The following SLC25A13 variants were observed in gnomAD, a reference collection of about 807,000 sequenced individuals.
SLC25A13 encodes solute carrier family 25 member 13.
Under a neutral mutation model 85.5 loss-of-function variants are expected in SLC25A13, and 70 were observed. The observed-to-expected ratio is 0.82, with a 90% confidence interval of 0.68 to 1.00. SLC25A13 has a LOEUF of 1.00. SLC25A13 is among the 50% of genes least tolerant of loss of function. The pLI, the probability that SLC25A13 is intolerant of heterozygous loss-of-function variation, is 0.00. For missense variants in SLC25A13, 765 were observed against 819.8 expected, an observed-to-expected ratio of 0.93 and a Z score of 0.82; for synonymous variants, 259 against 288.7, an observed-to-expected ratio of 0.90 and a Z score of 1.04.
chr7:96,190,915 G>A (rs1001086904), intron 7 of SLC25A13, among the ~76,000 whole-genome samples, 194 bp downstream of exon 7: 5 of 152,158 alleles, frequency 3.3e-5, no homozygotes, highest in Non-Finnish European at 4.4e-5. Flanking sequence ...GCTGGGCCCA[G>A]TTTGTTTAAA....
At chr7:96,132,773 A>G (rs1792089094) in intron 14 of SLC25A13, among the ~76,000 whole-genome samples, 1 of 152,170 alleles carries the variant, frequency 6.6e-6, no homozygotes. Context: ...AAATACAGAG[A>G]TTCCCAAAAG....
intron 3 of SLC25A13, among the ~76,000 whole-genome samples, chr7:96,268,361 G>GA (rs1798113664): frequency 6.6e-6 from 1 of 152,150 alleles, no homozygotes; most frequent in Non-Finnish European, 1.5e-5. Context: ...CATTTTGAAT[G>GA]AAAAAATAAT....
intron 4 of SLC25A13, among the ~76,000 whole-genome samples, chr7:96,224,458 C>T (rs1796257041): frequency 6.6e-6 from 1 of 152,152 alleles, no homozygotes; most frequent in Admixed American, 6.5e-5. Flanking sequence ...CAATCAAGGG[C>T]CTCCTCTACT....
chr7:96,144,529 C>T (rs1056988972), intron 14 of SLC25A13, among the ~76,000 whole-genome samples: 2 of 152,210 alleles, frequency 1.3e-5, no homozygotes, highest in African/African-American at 4.8e-5. Flanking sequence ...CTAGATTAAA[C>T]TACTAGACTA....
intron 5 of SLC25A13, among the ~76,000 whole-genome samples, chr7:96,194,773 A>G (rs1554350607): frequency 6.6e-6 from 1 of 152,210 alleles, no homozygotes; most frequent in Non-Finnish European, 1.5e-5. Context: ...GGGTCATTAT[A>G]GTCTTCTACT....
chr7:96,203,664 A>G (rs1795347093), intron 5 of SLC25A13, among the ~76,000 whole-genome samples: 1 of 152,212 alleles, frequency 6.6e-6, no homozygotes, highest in Non-Finnish European at 1.5e-5. Context: ...AGACTTTTCT[A>G]TCCTGAGATT....
chr7:96,240,747 G>GA (rs531256400), intron 3 of SLC25A13, among the ~76,000 whole-genome samples: 74,387 of 129,634 alleles, frequency 0.57, 21,105 homozygotes, highest in Non-Finnish European at 0.63. Context: ...CCATCTACTA[G>GA]AAAAAAAAAA....
intron 13 of SLC25A13, among the ~76,000 whole-genome samples, chr7:96,160,561 TG>T (rs1275956320): frequency 1.3e-5 from 2 of 152,196 alleles, no homozygotes; most frequent in Non-Finnish European, 2.9e-5. Context: ...GTCTTCTCAC[TG>T]TGTCCTCACA....
chr7:96,298,830 T>C (rs1476589390), intron 1 of SLC25A13, among the ~76,000 whole-genome samples: 1 of 152,172 alleles, frequency 6.6e-6, no homozygotes, highest in Admixed American at 6.5e-5. Flanking sequence ...CTAAGATGAA[T>C]GACTCTGCTG....
chr7:96,194,080 C>T (rs1794960028), intron 5 of SLC25A13, among the ~76,000 whole-genome samples: 1 of 152,088 alleles, frequency 6.6e-6, no homozygotes, highest in African/African-American at 2.4e-5. Flanking sequence ...ATCTTCCTCA[C>T]AACACTCTGC....
intron 1 of SLC25A13, among the ~76,000 whole-genome samples, chr7:96,304,696 C>T (rs1309539499): frequency 6.6e-6 from 1 of 152,124 alleles, no homozygotes; most frequent in Admixed American, 6.5e-5. Context: ...ACTACCCCAC[C>T]CCCCAGCTAA....
At chr7:96,171,259 C>G (rs1026803743) in intron 12 of SLC25A13, among the ~76,000 whole-genome samples, 1 of 152,210 alleles carries the variant, frequency 6.6e-6, no homozygotes, top group Non-Finnish European at 1.5e-5. Context: ...ATGATGGCAG[C>G]AACCACCAAA....
At chr7:96,134,245 A>C (rs1792165281) in intron 14 of SLC25A13, among the ~76,000 whole-genome samples, 1 of 152,042 alleles carries the variant, frequency 6.6e-6, no homozygotes, top group Non-Finnish European at 1.5e-5. Context: ...CACGTTGGGC[A>C]GGCTGGTCTC....
chr7:96,180,399 C>T (rs1794377076), intron 11 of SLC25A13, among the ~76,000 whole-genome samples: 1 of 152,030 alleles, frequency 6.6e-6, no homozygotes, highest in Non-Finnish European at 1.5e-5. Flanking sequence ...AGGAATGCAG[C>T]GGCACAATCT....
At chr7:96,276,829 G>A (rs1446888197) in intron 3 of SLC25A13, among the ~76,000 whole-genome samples, 1 of 152,040 alleles carries the variant, frequency 6.6e-6, no homozygotes, top group African/African-American at 2.4e-5. Context: ...AAAGATTATA[G>A]AAAAGTAACG....
intron 15 of SLC25A13, among the ~76,000 whole-genome samples, chr7:96,125,968 G>A (rs1791711412): frequency 6.6e-6 from 1 of 151,998 alleles, no homozygotes; most frequent in East Asian, 1.9e-4. Context: ...GTTGTCTTCT[G>A]TCCCCTGAAT....
At position 96,149,749 on chromosome 7, in the gene SLC25A13, T is replaced by C. The variant is rs542498608; in HGVS notation, c.1312-3053A>G. Among the ~76,000 whole-genome samples, 5 of 152,214 alleles carry C rather than the reference T, an allele frequency of 3.3e-5. No homozygotes were observed. The South Asian group carries it at 6.2e-4, about 19-fold the overall frequency. ...GATGCTTATCATCAGATGCATGGTGTCTGGGTCTCTCCACGACTTGATCAC... is the reference window on the plus strand; with the variant it reads ...GATGCTTATCATCAGATGCATGGTGCCTGGGTCTCTCCACGACTTGATCAC... On this transcript the variant is annotated intron_variant, in intron 13 of 17. Transcript: ENST00000265631.
chr7:96,128,939 G>GCTCGCTCTCT (rs1380552400), intron 15 of SLC25A13, among the ~76,000 whole-genome samples: 41 of 81,902 alleles, frequency 5.0e-4, no homozygotes, highest in African/African-American at 1.6e-3. Context: ...TGCCTTGCTT[G>GCTCGCTCTCT]CTCTCTCTCT....
At chr7:96,157,533 G>A (rs141851266) in intron 13 of SLC25A13, among the ~76,000 whole-genome samples, 3,109 of 152,256 alleles carry the variant, frequency 0.02, 59 homozygotes, top group Non-Finnish European at 0.031. Flanking sequence ...GCTGGGTGCC[G>A]TGGCTCACAC....
Sources: allele counts gnomAD v4.1 joint callset (sites outside exome capture counted in the v4.1 genomes callset), GRCh38; gene constraint gnomAD v4.1.1; transcripts MANE v1.5; gene names NCBI Gene and HGNC (gene_info 2026-07-23, HGNC 2026-07-21).